The following ALG1L2 variants were observed in gnomAD, a reference collection of about 807,000 sequenced individuals.
ALG1L2 encodes ALG1 chitobiosyldiphosphodolichol beta-mannosyltransferase like 2, also known as putative glycosyltransferase ALG1L2.
In ALG1L2, 32 loss-of-function variants were observed where a neutral mutation model predicts 29.0. The ratio of observed to expected loss-of-function variants is 1.10; its 90% confidence interval spans 0.83 to 1.48. The LOEUF (loss-of-function observed/expected upper bound fraction) is 1.48. ALG1L2 is among the 40% of genes most tolerant of loss of function. ALG1L2 has a pLI of 0.00. For synonymous variants in ALG1L2, 110 were observed against 109.5 expected, an observed-to-expected ratio of 1.00 and a Z score of -0.03; for missense variants, 318 against 274.1, an observed-to-expected ratio of 1.16 and a Z score of -1.13.
At chr3:130,090,029 T>C (rs1332661673) in intron 1 of ALG1L2, among the ~76,000 whole-genome samples, 1 of 139,524 alleles carries the variant, frequency 7.2e-6, no homozygotes, top group Non-Finnish European at 1.5e-5. Context: ...GGGACAAAAG[T>C]GAAAAATCCA....
At chr3:130,095,414 TATTATTATTA>T in intron 5 of ALG1L2, among the ~76,000 whole-genome samples, 1 of 43,126 alleles carries the variant, frequency 2.3e-5, no homozygotes, top group East Asian at 7.9e-4. Context: ...TGTGGTTTAT[TATTATTATTA>T]TTATTATTAT....
chr3:130,088,585 T>G (rs998340495), intron 1 of ALG1L2, among the ~76,000 whole-genome samples: 16 of 152,378 alleles, frequency 1.1e-4, no homozygotes, highest in African/African-American at 3.4e-4. Flanking sequence ...GCCTGGCTAA[T>G]TTTTGTATTT....
At chr3:130,090,696 A>G (rs1934996649) in intron 1 of ALG1L2, 1 of 155,232 alleles carries the variant, frequency 6.4e-6, no homozygotes, top group African/African-American at 2.4e-5. Flanking sequence ...AACGCTAATA[A>G]CTTACCTTTC....
intron 1 of ALG1L2, chr3:130,090,785 T>C (rs1934999140): frequency 6.1e-6 from 1 of 163,754 alleles, no homozygotes; most frequent in African/African-American, 2.4e-5. Flanking sequence ...CCTCTGGCAG[T>C]AATGAGTTGC....
At chr3:130,094,347 G>T in intron 4 of ALG1L2, 56 bp from the exon 5 acceptor site, 1 of 1,566,008 alleles carries the variant, frequency 6.4e-7, no homozygotes, top group South Asian at 1.1e-5. Context: ...TGGGCCTGGG[G>T]CTATGTGGCA....
At chr3:130,084,108 A>G (rs1474936078) in intron 1 of ALG1L2, among the ~76,000 whole-genome samples, 4 of 147,706 alleles carry the variant, frequency 2.7e-5, no homozygotes, top group Non-Finnish European at 6.1e-5. Context: ...ACTGAGGCTC[A>G]GGAGGGGCTA....
Position 130,090,361 on chromosome 3 carries a change from T to G in ALG1L2, c.21-900T>G, listed in dbSNP as rs1221163576. 3.3e-5 allele frequency among the ~76,000 whole-genome samples: 5 copies of G among 152,284 alleles called. No homozygotes were observed. In the East Asian group the frequency reaches 7.7e-4, roughly 23 times the overall value. ...CAGAGGGAGACCCTGTCTCAATAAA[T>G]AAAGAAAGAAATAAAAATAAATTGA... On this transcript the variant is annotated intron_variant, in intron 1 of 7. Transcript: ENST00000425059.
chr3:130,090,026 A>T (rs7622131), intron 1 of ALG1L2, among the ~76,000 whole-genome samples: 1 of 151,916 alleles, frequency 6.6e-6, no homozygotes, highest in Non-Finnish European at 1.5e-5. Flanking sequence ...TGGGGGACAA[A>T]AGTGAAAAAT....
At chr3:130,082,710 T>C (rs1481805315) in intron 1 of ALG1L2, among the ~76,000 whole-genome samples, 2 of 148,802 alleles carry the variant, frequency 1.3e-5, no homozygotes, top group Non-Finnish European at 3.0e-5. Context: ...ACACCAACAA[T>C]ATGAGTTACC....
At chr3:130,096,235 G>T (rs1404999386) in intron 6 of ALG1L2, 72 bp downstream of exon 6, 2 of 1,542,904 alleles carry the variant, frequency 1.3e-6, no homozygotes, top group South Asian at 1.2e-5. Flanking sequence ...GCAGTGCAGA[G>T]TGAGCTGCCC....
chr3:130,089,203 C>T (rs1941195932), intron 1 of ALG1L2, among the ~76,000 whole-genome samples: 1 of 152,276 alleles, frequency 6.6e-6, no homozygotes. Context: ...AGAGGCCAAG[C>T]TCCCAAGTAA....
intron 1 of ALG1L2, among the ~76,000 whole-genome samples, chr3:130,084,567 T>G (rs1328562618): frequency 7.6e-6 from 1 of 131,152 alleles, no homozygotes; most frequent in Non-Finnish European, 1.8e-5. Flanking sequence ...GGGGCGGTAG[T>G]GGTGAAGATT....
chr3:130,083,279 A>G (rs547061935), intron 1 of ALG1L2, among the ~76,000 whole-genome samples: 16 of 137,640 alleles, frequency 1.2e-4, no homozygotes, highest in Admixed American at 6.9e-4. Context: ...CCCCGTCTCT[A>G]TTAAAAATAC....
At chr3:130,089,909 G>A (rs1179697817) in intron 1 of ALG1L2, among the ~76,000 whole-genome samples, 1 of 152,292 alleles carries the variant, frequency 6.6e-6, no homozygotes, top group Non-Finnish European at 1.5e-5. Flanking sequence ...AGGCTTACGG[G>A]TGCGTGACTA....
At chr3:130,097,867 A>T (rs1935176368) in intron 7 of ALG1L2, among the ~76,000 whole-genome samples, 1 of 152,210 alleles carries the variant, frequency 6.6e-6, no homozygotes, top group Non-Finnish European at 1.5e-5. Context: ...GTAGTTTGTG[A>T]TCCTTGATTC....
intron 1 of ALG1L2, among the ~76,000 whole-genome samples, chr3:130,082,795 G>C (rs1219159060): frequency 6.8e-6 from 1 of 146,998 alleles, no homozygotes; most frequent in Non-Finnish European, 1.5e-5. Flanking sequence ...GGTCCGCAGT[G>C]CATGGGAGCC....
At chr3:130,098,032 A>G (rs1459787940) in intron 7 of ALG1L2, among the ~76,000 whole-genome samples, 191 bp from the exon 8 acceptor site, 1 of 151,714 alleles carries the variant, frequency 6.6e-6, no homozygotes, top group African/African-American at 2.4e-5. Flanking sequence ...GGAAAGTGGG[A>G]CATACGGGGA....
chr3:130,096,790 C>A lies in ALG1L2; in HGVS notation c.540-385C>A, dbSNP rs191000488. ...CGTGTGAGCTGAGCTGAGGGAATGTCGGGATCAAATCTGGTGTCCTAGAAA... is the reference window on the plus strand; with the variant it reads ...CGTGTGAGCTGAGCTGAGGGAATGTAGGGATCAAATCTGGTGTCCTAGAAA... On this transcript the variant is annotated intron_variant, in intron 6 of 7. Transcript: ENST00000425059. Among the ~76,000 whole-genome samples, 242 of 152,258 alleles carry A rather than the reference C, an allele frequency of 1.6e-3. 1 individual carries two copies. The highest frequency in any genetic ancestry group is 5.1e-3 in the African/African-American group (212 of 41,542).
intron 1 of ALG1L2, among the ~76,000 whole-genome samples, chr3:130,085,816 G>T (rs1222911988): frequency 1.3e-5 from 2 of 149,030 alleles, no homozygotes; most frequent in Admixed American, 1.4e-4. Flanking sequence ...CAACCTGAGG[G>T]TGGGGAACCT....
Sources: allele counts gnomAD v4.1 joint callset (sites outside exome capture counted in the v4.1 genomes callset), GRCh38; gene constraint gnomAD v4.1.1; transcripts MANE v1.5; gene names NCBI Gene and HGNC (gene_info 2026-07-23, HGNC 2026-07-21).